RP1L1: variants seen among roughly 807,000 people sequenced by gnomAD.
RP1L1 encodes retinitis pigmentosa 1-like 1 protein.
Under a neutral mutation model 15.7 loss-of-function variants are expected in RP1L1, and 27 were observed. The ratio of observed to expected loss-of-function variants is 1.72; its 90% CI spans 1.27 to 2.38. The LOEUF (loss-of-function observed/expected upper bound fraction) is 2.38, where lower values mean the gene tolerates loss of function less well. Among genes scored for constraint, RP1L1 ranks in the 30% most tolerant of loss-of-function variants. The pLI is 0.00. For synonymous variants in RP1L1, 1,813 were observed against 1,276.7 expected, an observed-to-expected ratio of 1.42 and a Z score of -8.96; for missense variants, 4,798 against 3,075.9, an observed-to-expected ratio of 1.56 and a Z score of -13.24.
intron 2 of RP1L1, among the ~76,000 whole-genome samples, chr8:10,620,779 T>A (rs1356383859): frequency 6.6e-6 from 1 of 152,126 alleles, no homozygotes; most frequent in African/African-American, 2.4e-5. Flanking sequence ...TATTACACAA[T>A]GGGATAGGGA....
At position 10,610,450 on chromosome 8, in the gene RP1L1, G is replaced by C; in HGVS notation, c.3648C>G (p.Pro1216=). 1.9e-6 allele frequency: 3 copies of C among 1,613,836 alleles called. No individual in the cohort carries two copies. Among genetic ancestry groups the C allele is most frequent in the Non-Finnish European group, 2.5e-6 (3 of 1,180,026 alleles). Residue 1216 remains proline, a synonymous_variant, in exon 4 of 4, where the codon CCC becomes CCG. Transcript: ENST00000382483. ...TCACCAGGGTGCCGTCCATGGCACA[G>C]GGTACGCTACTCTCCCCTGAGCCTC... is the stretch of plus-strand genomic sequence containing the variant. The part of the protein sequence containing the change: ...GSGGSGESSV[P]CAMDGTLVTQ...
intron 1 of RP1L1, among the ~76,000 whole-genome samples, chr8:10,633,201 G>C (rs1426072058): frequency 1.3e-5 from 2 of 152,202 alleles, no homozygotes; most frequent in Non-Finnish European, 2.9e-5. Flanking sequence ...CCAGGGCCGT[G>C]AGCCAGGAAT....
intron 1 of RP1L1, among the ~76,000 whole-genome samples, chr8:10,626,708 A>G (rs1337176776): frequency 7.9e-5 from 12 of 152,390 alleles, no homozygotes; most frequent in African/African-American, 2.2e-4. Context: ...TTTCAGGTAT[A>G]TTAACACATG....
rs756777831 is a variant in RP1L1 at position 10,613,348 on chromosome 8, T to A, written c.752-2A>T. ...GCTTGGTCTTTGGCCCCCAGCTCCC[T>A]GGCACGCAGTGAAGAGGAAAAGAAA... is the stretch of plus-strand genomic sequence containing the variant. On this transcript the variant is annotated splice_acceptor_variant, in intron 3 of 3. Transcript: ENST00000382483. LOFTEE classifies it high-confidence loss of function. The A allele has an allele frequency of 6.3e-7, 1 of 1,599,488 alleles. No homozygotes were observed. The highest frequency in any genetic ancestry group is 8.5e-7 in the Non-Finnish European group (1 of 1,179,904).
rs1797766730 is a variant in RP1L1, at chr8:10,608,852, C to T, written c.5246G>A (p.Ser1749Asn). Residue 1749 changes from serine (S) to asparagine (N), a missense_variant, in exon 4 of 4, where the codon AGC becomes AAC. Ser to Asn is a conservative substitution (Grantham distance 46). Transcript: ENST00000382483. ...GVDEGEDGEGSQRLNRDKDPK... is the reference protein window; with the variant it reads ...GVDEGEDGEGNQRLNRDKDPK... ...ATCTTTGTCTCTGTTGAGTCTCTGG[C>T]TCCCCTCGCCATCCTCACCCTCGTC... The T allele has an allele frequency of 6.2e-7, 1 of 1,614,058 alleles. No homozygotes were observed. Among genetic ancestry groups the T allele is most frequent in the Non-Finnish European group, 8.5e-7 (1 of 1,180,046 alleles).
At chr8:10,618,960 T>A (rs1798016141) in intron 2 of RP1L1, among the ~76,000 whole-genome samples, 1 of 152,114 alleles carries the variant, frequency 6.6e-6, no homozygotes, top group Non-Finnish European at 1.5e-5. Flanking sequence ...AACCGCCACC[T>A]CCCAGGTTCA....
rs1563121345 is a variant in RP1L1, at chr8:10,609,109, C to T, written c.4989G>A (p.Val1663=). The T allele has an allele frequency of 6.2e-7, 1 of 1,613,572 alleles. No individual in the cohort carries two copies. The highest frequency in any genetic ancestry group is 8.5e-7 in the Non-Finnish European group (1 of 1,179,556). ...GEEFCPCEAC[V]RKKVSPMSPK... is the part of the protein sequence containing the mutation. ...GGGACATAGGGCTCACTTTCTTCCTCACGCAGGCCTCGCAGGGACAGAACT... is the reference window on the plus strand; with the variant it reads ...GGGACATAGGGCTCACTTTCTTCCTTACGCAGGCCTCGCAGGGACAGAACT... Residue 1663 remains valine (V), a synonymous_variant, in exon 4 of 4, where the codon GTG becomes GTA. Transcript: ENST00000382483.
chr8:10,634,921 C>A (rs183372040), intron 1 of RP1L1, among the ~76,000 whole-genome samples: 4 of 152,292 alleles, frequency 2.6e-5, no homozygotes, highest in Admixed American at 6.5e-5. Flanking sequence ...ACTCTCTTCA[C>A]CAGGAATAAG....
In RP1L1 at chr8:10,616,501, A is replaced by G; in HGVS notation, c.696T>C (p.Asn232=). 6.2e-7 allele frequency: 1 copy of G among 1,614,126 alleles called. No homozygotes were observed. ...HEAFRTPAMK[N]ARRSEAETLS... The stretch of plus-strand genomic sequence containing the variant: ...AAGTTTCAGCCTCGCTTCTCCTGGC[A>G]TTTTTCATGGCTGGGGTTCTGAAGG... The change falls in exon 3 of 4, where the codon AAT becomes AAC. Residue 232 remains asparagine (N), a synonymous_variant. Transcript: ENST00000382483.
In RP1L1 at chr8:10,608,632, A is replaced by G. The variant is rs891128189; in HGVS notation, c.5466T>C (p.Gly1822=). Residue 1822 remains glycine (G), a synonymous_variant, in exon 4 of 4, where the codon GGT becomes GGC. Transcript: ENST00000382483. Reference sequence around the variant, plus strand: ...CATCACTCTGTCCTGGATCTTGGTCACCTCCTGCCGCAGCTTCACCCTGCA... The same window carrying G: ...CATCACTCTGTCCTGGATCTTGGTCGCCTCCTGCCGCAGCTTCACCCTGCA... The part of the protein sequence containing the change: ...DNLQGEAAAG[G]DQDPGQSDGA... The G allele has an allele frequency of 6.2e-7, 1 of 1,613,802 alleles. No individual in the cohort carries two copies. Among genetic ancestry groups the G allele is most frequent in the Non-Finnish European group, 8.5e-7 (1 of 1,179,948 alleles).
At chr8:10,623,286 C>T (rs1798102342) in intron 1 of RP1L1, 66 bp from the exon 2 acceptor site, 3 of 1,282,248 alleles carry the variant, frequency 2.3e-6, no homozygotes, top group African/African-American at 1.5e-5. Flanking sequence ...CTGTCTCTTC[C>T]CGTCTTTCTA....
Position 10,610,039 on chromosome 8 carries a change from C to A in RP1L1, c.4059G>T (p.Glu1353Asp), listed in dbSNP as rs1563122363. Residue 1353 changes from glutamate (E) to aspartate (D), a missense_variant, in exon 4 of 4, where the codon GAG becomes GAT. Physicochemically the swap from Glu to Asp is conservative, Grantham distance 45 (BLOSUM62 2). Transcript: ENST00000382483. ...ETEGEGQQEE[E>D]AQLEEIEETG... is the part of the protein sequence containing the mutation. Reference sequence around the variant, plus strand: ...TTTCTTCAATTTCCTCTAACTGCGCCTCTTCTTCTTGCTGTCCTTCTCCTT... The same window carrying A: ...TTTCTTCAATTTCCTCTAACTGCGCATCTTCTTCTTGCTGTCCTTCTCCTT... 2 of 1,478,668 alleles carry A rather than the reference C, an allele frequency of 1.4e-6. No individual in the cohort carries two copies. The highest frequency in any genetic ancestry group is 1.8e-6 in the Non-Finnish European group (2 of 1,099,310). The allele number at this position is 1,478,668 out of a possible 1,614,324, so 91.6% of individuals were successfully genotyped here.
rs755341792 is a variant in RP1L1, at chr8:10,612,694, C to G, written c.1404G>C (p.Glu468Asp). 5 of 1,603,614 alleles carry G rather than the reference C, an allele frequency of 3.1e-6. No homozygotes were observed. The South Asian group carries it at 4.4e-5, about 14-fold the overall frequency. Residue 468 changes from glutamate (E) to aspartate (D), a missense_variant, in exon 4 of 4, where the codon GAG (glutamate) becomes GAC (aspartate). Glu to Asp is a conservative substitution (Grantham distance 45). Coordinates refer to ENST00000382483, the MANE Select transcript of RP1L1 (RefSeq NM_178857.6). ...CCGGGGTCCTGGGGCAGCAGGAGGACTCTGGCTCCGAGCCCTCGGGGAGGC... is the reference window on the plus strand; with the variant it reads ...CCGGGGTCCTGGGGCAGCAGGAGGAGTCTGGCTCCGAGCCCTCGGGGAGGC... ...STGLPEGSEP[E>D]SSCCPRTPED...
intron 3 of RP1L1, among the ~76,000 whole-genome samples, chr8:10,613,864 G>A (rs936908627): frequency 6.6e-6 from 1 of 152,132 alleles, no homozygotes; most frequent in African/African-American, 2.4e-5. Flanking sequence ...ACCAGTCTGT[G>A]AACTGGCATT....
At chr8:10,622,119 C>G (rs917155946) in intron 2 of RP1L1, among the ~76,000 whole-genome samples, 5 of 151,918 alleles carry the variant, frequency 3.3e-5, no homozygotes, top group Non-Finnish European at 7.4e-5. Context: ...GTTGGGAGTT[C>G]AAGACCAGCC....
chr8:10,608,093 G>C lies in RP1L1; in HGVS notation c.6005C>G (p.Ala2002Gly). 6.2e-7 allele frequency: 1 copy of C among 1,612,728 alleles called. No individual in the cohort carries two copies. The highest frequency in any genetic ancestry group is 8.5e-7 in the Non-Finnish European group (1 of 1,179,742). Residue 2002 changes from alanine (A) to glycine (G), a missense_variant, in exon 4 of 4, where the codon GCC becomes GGC. Physicochemically the swap from Ala to Gly is moderately conservative, Grantham distance 60 (BLOSUM62 0). Coordinates refer to ENST00000382483, the MANE Select transcript of RP1L1 (RefSeq NM_178857.6). The stretch of plus-strand genomic sequence containing the variant: ...TTGCATCTCCCCTTCAGCCTCTGGG[G>C]CCTCTACATCTTCTGACTCTGGCTG... ...EAQPESEDVE[A>G]PEAEGEMQEA...
intron 1 of RP1L1, among the ~76,000 whole-genome samples, chr8:10,630,048 T>A (rs1481151032): frequency 6.6e-6 from 1 of 152,098 alleles, no homozygotes; most frequent in Non-Finnish European, 1.5e-5. Flanking sequence ...GGAGTCAGGG[T>A]GGTGAGGGGG....
Position 10,645,085 on chromosome 8 carries a change from G to C in RP1L1, c.-20+9813C>G, listed in dbSNP as rs1798457109. ...CTCATGCCTGTAATTTCAGAACTTT[G>C]GGGGGCTAAGGCAGGAGGGTCACTT... On this transcript the variant is annotated intron_variant, in intron 1 of 3. Transcript: ENST00000382483. Among the ~76,000 whole-genome samples the C allele has an allele frequency of 2.6e-5, 4 of 152,196 alleles. No individual in the cohort carries two copies. In the South Asian group the frequency reaches 6.2e-4, roughly 24 times the overall value.
At chr8:10,647,232 A>G (rs1798492924) in intron 1 of RP1L1, among the ~76,000 whole-genome samples, 1 of 152,190 alleles carries the variant, frequency 6.6e-6, no homozygotes, top group African/African-American at 2.4e-5. Flanking sequence ...TACAAATCCT[A>G]ACGAATGTCC....
Sources: allele counts gnomAD v4.1 joint callset (sites outside exome capture counted in the v4.1 genomes callset), GRCh38; gene constraint gnomAD v4.1.1; transcripts MANE v1.5; gene names NCBI Gene and HGNC (gene_info 2026-07-23, HGNC 2026-07-21).